Variants in GLYATL3 observed in about 807,000 individuals in gnomAD.
GLYATL3 encodes the protein glycine N-acyltransferase-like protein 3.
Under a neutral mutation model 28.5 loss-of-function variants are expected in GLYATL3, and 31 were observed. The ratio of observed to expected loss-of-function variants is 1.09; its 90% CI spans 0.82 to 1.47. GLYATL3 has a LOEUF of 1.47. Ranked by LOEUF, GLYATL3 falls within the 40% of genes most tolerant of loss-of-function variation. The pLI is 0.00. For missense variants in GLYATL3, 369 were observed against 351.5 expected (o/e 1.05, Z -0.40); for synonymous variants, 141 against 140.2 (o/e 1.01, Z -0.04).
At chr6:49,526,080 T>C (rs1402543272) in intron 5 of GLYATL3, among the ~76,000 whole-genome samples, 5 of 152,112 alleles carry the variant, frequency 3.3e-5, no homozygotes, top group Non-Finnish European at 5.9e-5. Context: ...AAATCTTAGG[T>C]GCCCTCTCAG....
intron 5 of GLYATL3, among the ~76,000 whole-genome samples, chr6:49,523,061 T>C (rs764073293): frequency 6.6e-6 from 1 of 152,050 alleles, no homozygotes; most frequent in Non-Finnish European, 1.5e-5. Context: ...GGTTCTATGG[T>C]TCACTATATT....
At chr6:49,525,197 T>G (rs1769385743) in intron 5 of GLYATL3, among the ~76,000 whole-genome samples, 1 of 150,842 alleles carries the variant, frequency 6.6e-6, no homozygotes, top group African/African-American at 2.4e-5. Flanking sequence ...ATAAAAGCAA[T>G]TCTGAGGGTT....
chr6:49,524,987 A>T, intron 5 of GLYATL3, among the ~76,000 whole-genome samples: 1 of 151,396 alleles, frequency 6.6e-6, no homozygotes, highest in African/African-American at 2.4e-5. Flanking sequence ...AAAAAAAAAA[A>T]AAAAGAACAA....
At chr6:49,512,781 G>C (rs1769148099) in intron 2 of GLYATL3, among the ~76,000 whole-genome samples, 1 of 152,108 alleles carries the variant, frequency 6.6e-6, no homozygotes, top group Non-Finnish European at 1.5e-5. Flanking sequence ...TGAACACAGA[G>C]ACTTGCATTT....
At position 49,526,976 on chromosome 6, in the gene GLYATL3, C is replaced by A; in HGVS notation, c.*62C>A. ...TGAGCATACACACACTCTTGGCTGC[C>A]AACGAGGGGAGAGTTAAAATGGGAA... On this transcript the variant is annotated 3_prime_UTR_variant, in exon 6 of 6. Coordinates refer to ENST00000371197, the MANE Select transcript of GLYATL3 (RefSeq NM_001010904.2). 2 of 1,226,298 alleles carry A rather than the reference C, an allele frequency of 1.6e-6. No individual in the cohort carries two copies. Among genetic ancestry groups the A allele is most frequent in the South Asian group, 1.6e-5 (1 of 63,222 alleles). 76.0% of individuals were successfully genotyped at this position (1,226,298 alleles called of 1,614,324 possible).
Position 49,521,788 on chromosome 6 carries a change from T to C in GLYATL3, c.440+17T>C. On this transcript the variant is annotated intron_variant, in intron 5 of 5. Transcript: ENST00000371197. ...CAGTTTCCTGTATGTAAACCAAGTTTTTGCATTTGGGGCAGGACTTACTGC... is the reference window on the plus strand; with the variant it reads ...CAGTTTCCTGTATGTAAACCAAGTTCTTGCATTTGGGGCAGGACTTACTGC... 6.5e-7 allele frequency: 1 copy of C among 1,549,854 alleles called. No homozygotes were observed. Among genetic ancestry groups the C allele is most frequent in the Non-Finnish European group, 8.7e-7 (1 of 1,146,040 alleles).
intron 4 of GLYATL3, among the ~76,000 whole-genome samples, chr6:49,521,032 A>T (rs7740682): frequency 0.47 from 70,676 of 151,986 alleles, 17,272 homozygotes; most frequent in East Asian, 0.62. Flanking sequence ...AAATAAAGAA[A>T]AGAAACCATA....
rs1561981405 is a variant in GLYATL3 at position 49,526,808 on chromosome 6, C to G, written c.761C>G (p.Thr254Arg). The G allele has an allele frequency of 6.4e-7, 1 of 1,552,098 alleles. No homozygotes were observed. ...CAGGGGAACGTCCTGGATGACAACA[C>G]GGCGTCTATAAGCCTCCTGAAGAGT... ...PSQGNVLDDN[T>R]ASISLLKSLH... The change falls in exon 6 of 6, where the codon ACG (threonine) becomes AGG (arginine). Residue 254 changes from threonine (T) to arginine (R), a missense_variant. Coordinates refer to ENST00000371197, the MANE Select transcript of GLYATL3 (RefSeq NM_001010904.2).
At chr6:49,501,170 C>A (rs893510630) in intron 1 of GLYATL3, among the ~76,000 whole-genome samples, 1 of 152,122 alleles carries the variant, frequency 6.6e-6, no homozygotes, top group Non-Finnish European at 1.5e-5. Flanking sequence ...GGGGCCAAGG[C>A]AGGTGGATCA....
At chr6:49,509,948 C>CTTCCTTCCTTTCTTTCTTTCTT (rs68151540) in intron 1 of GLYATL3, among the ~76,000 whole-genome samples, 1 of 100,166 alleles carries the variant, frequency 1.0e-5, no homozygotes, top group African/African-American at 3.5e-5. Flanking sequence ...TATTTTCTTT[C>CTTCCTTCCTTTCTTTCTTTCTT]TCTTTCTTTC....
chr6:49,516,766 C>T (rs1769222044), intron 3 of GLYATL3, among the ~76,000 whole-genome samples: 1 of 151,810 alleles, frequency 6.6e-6, no homozygotes, highest in Non-Finnish European at 1.5e-5. Context: ...TGCACTCCAG[C>T]CTGGGCAACA....
At chr6:49,518,791 A>T (rs1029508866) in intron 4 of GLYATL3, among the ~76,000 whole-genome samples, 1 of 152,044 alleles carries the variant, frequency 6.6e-6, no homozygotes, top group Non-Finnish European at 1.5e-5. Flanking sequence ...ATACAAAAAA[A>T]TTAGCCGGGC....
intron 1 of GLYATL3, 87 bp from the exon 2 acceptor site, chr6:49,511,876 A>G (rs1769127914): frequency 9.2e-6 from 5 of 541,910 alleles, no homozygotes; most frequent in South Asian, 3.6e-5. Flanking sequence ...ATTATACCCA[A>G]TGAAAATAGA....
chr6:49,505,815 T>C (rs1191662376), intron 1 of GLYATL3, among the ~76,000 whole-genome samples: 3 of 152,108 alleles, frequency 2.0e-5, no homozygotes, highest in African/African-American at 7.2e-5. Flanking sequence ...TAGGAAGAAA[T>C]ACCCATTCAA....
intron 4 of GLYATL3, among the ~76,000 whole-genome samples, chr6:49,518,379 A>G (rs548948321): frequency 6.6e-6 from 1 of 152,368 alleles, no homozygotes; most frequent in South Asian, 2.1e-4. Context: ...TTTCCGCGTC[A>G]GTGTACACTT....
intron 1 of GLYATL3, among the ~76,000 whole-genome samples, chr6:49,505,016 C>A (rs1466962640): frequency 3.3e-5 from 5 of 152,138 alleles, no homozygotes; most frequent in Admixed American, 2.0e-4. Context: ...AAGACAAGAA[C>A]CTGACATCGA....
intron 2 of GLYATL3, 106 bp from the exon 3 acceptor site, chr6:49,515,547 C>T: frequency 1.6e-6 from 1 of 622,450 alleles, no homozygotes; most frequent in Non-Finnish European, 2.9e-6. Context: ...TTATAATTTC[C>T]CCTCTTGTGG....
At chr6:49,523,871 T>G (rs1769357392) in intron 5 of GLYATL3, among the ~76,000 whole-genome samples, 1 of 152,232 alleles carries the variant, frequency 6.6e-6, no homozygotes. Flanking sequence ...TTATTTGTTC[T>G]TTGAAGTATC....
At chr6:49,505,216 G>A (rs557143710) in intron 1 of GLYATL3, among the ~76,000 whole-genome samples, 4 of 152,192 alleles carry the variant, frequency 2.6e-5, no homozygotes, top group Non-Finnish European at 5.9e-5. Flanking sequence ...ACGAATGTGA[G>A]TGATGAAAAA....
Sources: gnomAD v4.1 joint callset for allele counts (sites outside exome capture counted in the v4.1 genomes callset) on GRCh38, gnomAD v4.1.1 for gene constraint, MANE v1.5 for transcripts, NCBI Gene and HGNC (gene_info 2026-07-23, HGNC 2026-07-21) for gene names.